The following PDE1C variants were observed in gnomAD, a reference collection of about 807,000 sequenced individuals.
PDE1C encodes the protein phosphodiesterase 1C.
A neutral mutation model predicts 93.1 loss-of-function variants in PDE1C; 62 were observed. The ratio of observed to expected loss-of-function variants is 0.67; its 90% CI spans 0.54 to 0.82. PDE1C has a LOEUF of 0.82. Among genes scored for constraint, PDE1C ranks in the 40% least tolerant of loss-of-function variants. PDE1C has a pLI of 0.00. For missense variants in PDE1C, 742 were observed against 884.6 expected (o/e 0.84, Z 2.04); for synonymous variants, 325 against 310.1 (o/e 1.05, Z -0.50).
chr7:32,057,478 T>A (rs918338358), intron 1 of PDE1C, among the ~76,000 whole-genome samples: 6 of 152,152 alleles, frequency 3.9e-5, no homozygotes, highest in African/African-American at 1.4e-4. Context: ...AGGCAGCTGG[T>A]CACATCCTGA....
chr7:32,005,578 A>C (rs6968038), intron 2 of PDE1C, among the ~76,000 whole-genome samples: 17,022 of 103,568 alleles, frequency 0.16, 2,044 homozygotes, highest in Middle Eastern at 0.21. Context: ...AAAAAAAAAA[A>C]AAAGAATTGT....
chr7:31,683,931 A>T, the PDE1C span, among the ~76,000 whole-genome samples: 1 of 152,238 alleles, frequency 6.6e-6, no homozygotes, highest in Non-Finnish European at 1.5e-5. Context: ...GGCACAAGTG[A>T]ATTCAGCCAT....
intron 2 of PDE1C, among the ~76,000 whole-genome samples, chr7:32,200,833 T>C (rs754875005): frequency 6.6e-6 from 1 of 152,214 alleles, no homozygotes; most frequent in African/African-American, 2.4e-5. Flanking sequence ...GGGAGGCTTG[T>C]CAGCATCACA....
intron 3 of PDE1C, among the ~76,000 whole-genome samples, chr7:32,083,935 T>C (rs1169784171): frequency 6.8e-6 from 1 of 147,796 alleles, no homozygotes; most frequent in Non-Finnish European, 1.5e-5. Flanking sequence ...AGGAAGAAAC[T>C]ACATCAACTA....
At chr7:32,331,188 G>A (rs993779453) in intron 1 of PDE1C, among the ~76,000 whole-genome samples, 1 of 152,182 alleles carries the variant, frequency 6.6e-6, no homozygotes, top group East Asian at 1.9e-4. Flanking sequence ...GGGTGGCCTC[G>A]GGGATAGTGA....
chr7:32,300,174 C>T (rs1428478734), upstream of PDE1C, among the ~76,000 whole-genome samples: 5 of 152,152 alleles, frequency 3.3e-5, no homozygotes, highest in Non-Finnish European at 7.4e-5. Context: ...CCCAAGCCTA[C>T]TGGAACCCAG....
Position 31,880,822 on chromosome 7 carries a change from G to A in PDE1C, c.167C>T (p.Ala56Val). ...ATTCTTCTTAAGATCTACCACTGAAGCTTCCCCTCTCTCTAATTGTTTGAC... is the reference window on the plus strand; with the variant it reads ...ATTCTTCTTAAGATCTACCACTGAAACTTCCCCTCTCTCTAATTGTTTGAC... ...SLVKQLERGE[A>V]SVVDLKKNLE... Residue 56 changes from alanine (A) to valine (V), a missense_variant, in exon 3 of 18, where the codon GCT becomes GTT. Ala to Val is a moderately conservative substitution (Grantham distance 64). This residue lies in a region of PDE1C where 74 missense variants were observed against 88.2 expected (regional missense o/e 0.84). Coordinates refer to ENST00000396191, the MANE Select transcript of PDE1C (RefSeq NM_001191057.4). 1 of 1,611,432 alleles carries A rather than the reference G, an allele frequency of 6.2e-7. No individual in the cohort carries two copies. Among genetic ancestry groups the A allele is most frequent in the Non-Finnish European group, 8.5e-7 (1 of 1,177,740 alleles).
At chr7:31,941,370 C>T (rs56394100) in intron 2 of PDE1C, 1,702 of 165,208 alleles carry the variant, frequency 0.01, 34 homozygotes, top group African/African-American at 0.038. Context: ...TCCAATGGTG[C>T]GAGACCCTCA....
intron 2 of PDE1C, among the ~76,000 whole-genome samples, chr7:32,174,972 A>T (rs1802888390): frequency 6.6e-6 from 1 of 152,200 alleles, no homozygotes; most frequent in East Asian, 1.9e-4. Context: ...ATGAATTCAT[A>T]AGAGCTTTTT....
chr7:32,016,243 C>T (rs1447524463), intron 2 of PDE1C, among the ~76,000 whole-genome samples: 5 of 152,182 alleles, frequency 3.3e-5, no homozygotes, highest in African/African-American at 4.8e-5. Flanking sequence ...ATAACACTGC[C>T]GCTTTAATAA....
chr7:32,363,614 T>C (rs1446561391), intron 1 of PDE1C, among the ~76,000 whole-genome samples: 4 of 152,242 alleles, frequency 2.6e-5, no homozygotes, highest in Admixed American at 2.6e-4. Flanking sequence ...CTCTTCTTTT[T>C]AACAAATGGA....
Position 31,879,188 on chromosome 7 carries a change from A to G in PDE1C, c.243-10T>C, listed in dbSNP as rs759261694. The stretch of plus-strand genomic sequence containing the variant: ...TGTATCCAGGAGTCTCCTGAACACA[A>G]GAAACAGAATCAGCACACTGAGATT... On this transcript the variant is annotated splice_polypyrimidine_tract_variant and intron_variant, in intron 3 of 17. Coordinates refer to ENST00000396191, the MANE Select transcript of PDE1C (RefSeq NM_001191057.4). 1.9e-6 allele frequency: 3 copies of G among 1,607,964 alleles called. No homozygotes were observed. The highest frequency in any genetic ancestry group is 2.7e-5 in the African/African-American group (2 of 74,984).
chr7:31,924,480 C>A (rs1325393625), intron 2 of PDE1C, among the ~76,000 whole-genome samples: 1 of 152,200 alleles, frequency 6.6e-6, no homozygotes, highest in African/African-American at 2.4e-5. Context: ...AAGGCACTTG[C>A]TTGTTGCCTT....
intron 1 of PDE1C, among the ~76,000 whole-genome samples, chr7:32,318,862 G>A (rs1001514444): frequency 6.6e-6 from 1 of 152,244 alleles, no homozygotes; most frequent in African/African-American, 2.4e-5. Flanking sequence ...TGGGGCTCTG[G>A]CACTGGAAAC....
intron 3 of PDE1C, among the ~76,000 whole-genome samples, chr7:32,127,664 C>G (rs993831108): frequency 7.9e-5 from 12 of 151,856 alleles, no homozygotes; most frequent in Non-Finnish European, 1.8e-4. Context: ...AGACAGTCTT[C>G]TAATAGCAAC....
At chr7:32,350,372 A>T (rs910130743) in intron 1 of PDE1C, among the ~76,000 whole-genome samples, 2 of 151,926 alleles carry the variant, frequency 1.3e-5, no homozygotes, top group Non-Finnish European at 2.9e-5. Context: ...CTTTCTTTTT[A>T]ACACAACCAC....
intron 16 of PDE1C, among the ~76,000 whole-genome samples, chr7:31,794,025 TAGATAGATAGATAGATAGACAGAC>T (rs1201371204): frequency 1.1e-3 from 119 of 112,292 alleles, no homozygotes; most frequent in Middle Eastern, 4.5e-3. Flanking sequence ...GATAGATAGA[TAGATAGATAGATAGATAGACAGAC>T]AGACAGACAG....
At chr7:32,025,013 C>G (rs192543065) in intron 2 of PDE1C, among the ~76,000 whole-genome samples, 6 of 152,010 alleles carry the variant, frequency 3.9e-5, no homozygotes, top group Non-Finnish European at 5.9e-5. Context: ...CACTCAAGCA[C>G]GCCAATGACC....
intron 2 of PDE1C, among the ~76,000 whole-genome samples, 187 bp from the exon 3 acceptor site, chr7:31,881,047 A>G (rs1797189130): frequency 6.6e-6 from 1 of 152,228 alleles, no homozygotes; most frequent in Non-Finnish European, 1.5e-5. Context: ...ATTGTGAAGT[A>G]AGAAGAAAAA....
Sources: allele counts gnomAD v4.1 joint callset (sites outside exome capture counted in the v4.1 genomes callset), GRCh38; gene constraint gnomAD v4.1.1; regional missense constraint gnomAD v4.1.1; transcripts MANE v1.5; gene names NCBI Gene and HGNC (gene_info 2026-07-23, HGNC 2026-07-21).